The following NCLN variants were observed in gnomAD, a reference collection of about 807,000 sequenced individuals.
NCLN encodes the protein BOS complex subunit NCLN.
NCLN carries 34 observed loss-of-function variants against 69.5 expected under a neutral mutation model. The ratio of observed to expected loss-of-function variants is 0.49; its 90% CI spans 0.37 to 0.65. NCLN has a LOEUF of 0.65. NCLN is among the 30% of genes least tolerant of loss of function. The pLI is 0.00. For synonymous variants in NCLN, 393 were observed against 358.3 expected (o/e 1.10, Z -1.09); for missense variants, 710 against 804.8 (o/e 0.88, Z 1.42).
At position 3,207,865 on chromosome 19, in the gene NCLN, G is replaced by T. The variant is rs369091252; in HGVS notation, c.*177G>T. 5 of 596,818 alleles carry T rather than the reference G, an allele frequency of 8.4e-6. No homozygotes were observed. Among genetic ancestry groups the T allele is most frequent in the Admixed American group, 3.0e-5 (1 of 33,506 alleles). The allele number at this position is 596,818 out of a possible 1,614,324, so 37.0% of individuals were successfully genotyped here. On this transcript the variant is annotated 3_prime_UTR_variant, in exon 15 of 15. Coordinates refer to ENST00000246117, the MANE Select transcript of NCLN (RefSeq NM_020170.4). The stretch of plus-strand genomic sequence containing the variant: ...TTTTCTGTTGCTCTCCGAGACTGGG[G>T]GGGGATTGTTTCTTCTTTTCCTTGT...
chr19:3,202,058 C>T (rs1194974271), intron 6 of NCLN, among the ~76,000 whole-genome samples: 4 of 152,130 alleles, frequency 2.6e-5, no homozygotes, highest in East Asian at 3.9e-4. Flanking sequence ...AGGTGCCCTC[C>T]GACATCACCC....
intron 1 of NCLN, among the ~76,000 whole-genome samples, chr19:3,189,803 A>G (rs901518198): frequency 1.3e-5 from 2 of 151,992 alleles, no homozygotes; most frequent in Admixed American, 6.6e-5. Flanking sequence ...TTGGCCACAG[A>G]GAGCCCTTGC....
rs1041253531 is a variant in NCLN, at chr19:3,204,850, C to T, written c.1208+99C>T. On this transcript the variant is annotated intron_variant, in intron 9 of 14. Transcript: ENST00000246117. ...GGCCATGAGAGCCTGGAGGGAGCGG[C>T]CCCCACACACAGGCTGCGAGGAAGG... is the stretch of plus-strand genomic sequence containing the variant. The T allele has an allele frequency of 5.7e-6, 7 of 1,227,820 alleles. No individual in the cohort carries two copies. The Admixed American group carries it at 2.3e-4, about 40-fold the overall frequency. The allele number at this position is 1,227,820 out of a possible 1,614,324, so 76.1% of individuals were successfully genotyped here. A position where few individuals can be genotyped will look rare whatever the true frequency, so the allele number is the denominator to read the frequency against.
intron 1 of NCLN, among the ~76,000 whole-genome samples, chr19:3,191,785 C>G (rs985313347): frequency 6.6e-6 from 1 of 152,216 alleles, no homozygotes; most frequent in Non-Finnish European, 1.5e-5. Context: ...GAAATACTCA[C>G]TCTCTGGCCT....
At chr19:3,192,333 T>G (rs1915846906) in intron 1 of NCLN, 137 bp from the exon 2 acceptor site, 2 of 706,094 alleles carry the variant, frequency 2.8e-6, no homozygotes, top group Non-Finnish European at 4.4e-6. Context: ...CCCTGGGAGC[T>G]TCTCGAATCG....
intron 4 of NCLN, among the ~76,000 whole-genome samples, chr19:3,197,683 C>T (rs902404670): frequency 4.7e-5 from 7 of 148,604 alleles, no homozygotes; most frequent in South Asian, 4.2e-4. Context: ...TGCAATGGTG[C>T]GATCTCAGCT....
In NCLN at chr19:3,191,355, C is replaced by T. The variant is rs545994382; in HGVS notation, c.185-1115C>T. On this transcript the variant is annotated intron_variant, in intron 1 of 14. Transcript: ENST00000246117. ...GCGCCACCGCAGAAGTGAATAAGCC[C>T]GTGATGGAGCGACAGCCCCAGGCTC... 4.6e-5 allele frequency among the ~76,000 whole-genome samples: 7 copies of T among 152,286 alleles called. No individual in the cohort carries two copies. In the East Asian group the frequency reaches 5.8e-4, roughly 13 times the overall value.
At chr19:3,187,678 G>A (rs1324874170) in intron 1 of NCLN, among the ~76,000 whole-genome samples, 3 of 152,160 alleles carry the variant, frequency 2.0e-5, no homozygotes, top group Non-Finnish European at 2.9e-5. Context: ...TGGAGGCCAG[G>A]GACGCTGCTC....
chr19:3,199,899 AC>A (rs1568313308), intron 5 of NCLN, among the ~76,000 whole-genome samples: 1 of 151,496 alleles, frequency 6.6e-6, no homozygotes, highest in African/African-American at 2.4e-5. Context: ...ACGGGGTTTC[AC>A]CACGTTAGCC....
In NCLN at chr19:3,208,101, A is replaced by ACCTGCTC. The variant is rs1474074522; in HGVS notation, c.*422_*428dup. On this transcript the variant is annotated 3_prime_UTR_variant, in exon 15 of 15. Coordinates refer to ENST00000246117, the MANE Select transcript of NCLN (RefSeq NM_020170.4). The stretch of plus-strand genomic sequence containing the variant: ...GCAAGGGGCCTGGACTGCAGGCCTG[A>ACCTGCTC]CCTGCTCCCTGCTCCGTGTCTGTCC... 2.5e-4 allele frequency: 50 copies of ACCTGCTC among 200,266 alleles called. No individual in the cohort carries two copies. Among genetic ancestry groups the ACCTGCTC allele is most frequent in the African/African-American group, 1.2e-3 (50 of 42,890 alleles). 12.4% of individuals were successfully genotyped at this position (200,266 alleles called of 1,614,324 possible).
At chr19:3,190,746 T>C (rs1352448403) in intron 1 of NCLN, among the ~76,000 whole-genome samples, 5 of 147,520 alleles carry the variant, frequency 3.4e-5, no homozygotes, top group South Asian at 2.1e-4. Flanking sequence ...CCGGCCCCCC[T>C]GCGTCAGGCC....
rs376125254 is a variant in NCLN at position 3,202,830 on chromosome 19, C to T, written c.801-926C>T. Reference sequence around the variant, plus strand: ...TTTGAGAAGCTCATGCTGTCAAAAACGTGTGAACGGGGCTGGTTTCTGCCA... The same window carrying T: ...TTTGAGAAGCTCATGCTGTCAAAAATGTGTGAACGGGGCTGGTTTCTGCCA... On this transcript the variant is annotated intron_variant, in intron 6 of 14. Coordinates refer to ENST00000246117, the MANE Select transcript of NCLN (RefSeq NM_020170.4). Among the ~76,000 whole-genome samples, 5 of 152,126 alleles carry T rather than the reference C, an allele frequency of 3.3e-5. No homozygotes were observed. The South Asian group carries it at 1.0e-3, about 32-fold the overall frequency.
intron 2 of NCLN, 41 bp from the exon 3 acceptor site, chr19:3,193,243 C>T (rs371998728): frequency 6.4e-7 from 1 of 1,556,788 alleles, no homozygotes; most frequent in Non-Finnish European, 8.6e-7. Context: ...TTGCCACCCC[C>T]ACCAGGCCAG....
chr19:3,185,936 C>A lies in NCLN; in HGVS notation c.-95C>A. On this transcript the variant is annotated 5_prime_UTR_variant, in exon 1 of 15. Transcript: ENST00000246117. Reference sequence around the variant, plus strand: ...TGCCCCGCGCGGCGCCCGCAGGACCCCGGCGGCTACCCATGCCGAGGTGAG... The same window carrying A: ...TGCCCCGCGCGGCGCCCGCAGGACCACGGCGGCTACCCATGCCGAGGTGAG... 1.0e-6 allele frequency: 1 copy of A among 961,604 alleles called. No individual in the cohort carries two copies. The highest frequency in any genetic ancestry group is 1.3e-6 in the Non-Finnish European group (1 of 748,330). 59.6% of individuals were successfully genotyped at this position (961,604 alleles called of 1,614,324 possible).
At chr19:3,189,951 TC>T (rs1476944476) in intron 1 of NCLN, among the ~76,000 whole-genome samples, 2 of 152,200 alleles carry the variant, frequency 1.3e-5, no homozygotes, top group Admixed American at 1.3e-4. Flanking sequence ...GGTGCTGGTG[TC>T]CCCCTCCGTT....
intron 14 of NCLN, 49 bp downstream of exon 14, chr19:3,207,518 A>AGCTGG: frequency 6.2e-7 from 1 of 1,608,924 alleles, no homozygotes. Context: ...CGCCGGGAGG[A>AGCTGG]GCTGGGCTGG....
At chr19:3,195,031 A>G (rs1438617878) in intron 3 of NCLN, among the ~76,000 whole-genome samples, 1 of 151,780 alleles carries the variant, frequency 6.6e-6, no homozygotes, top group Non-Finnish European at 1.5e-5. Context: ...TAAAAAAGCC[A>G]GGTGTGGTGG....
chr19:3,186,624 C>G (rs1425096602), intron 1 of NCLN, among the ~76,000 whole-genome samples: 1 of 152,234 alleles, frequency 6.6e-6, no homozygotes, highest in Non-Finnish European at 1.5e-5. Context: ...TGAGCAGACG[C>G]TCCCGTCCTG....
rs869156808 is a variant in NCLN, at chr19:3,198,530, CA to C, written c.616-275del. 1.0e-4 allele frequency among the ~76,000 whole-genome samples: 15 copies of C among 143,418 alleles called. No homozygotes were observed. The East Asian group carries it at 1.8e-3, about 17-fold the overall frequency. The allele number at this position is 143,418 out of a possible 152,430, so 94.1% of individuals were successfully genotyped here. A position where few individuals can be genotyped will look rare whatever the true frequency, so the allele number is the denominator to read the frequency against. ...TCAAAAAAAAAAAAAAAAACACAAACAAAAAAAAAAAACTTATTCTCCTGCT... is the reference window on the plus strand; with the variant it reads ...TCAAAAAAAAAAAAAAAAACACAAACAAAAAAAAAAACTTATTCTCCTGCT... On this transcript the variant is annotated intron_variant, in intron 4 of 14. Coordinates refer to ENST00000246117, the MANE Select transcript of NCLN (RefSeq NM_020170.4).
Sources: allele counts gnomAD v4.1 joint callset (sites outside exome capture counted in the v4.1 genomes callset), GRCh38; gene constraint gnomAD v4.1.1; transcripts MANE v1.5; gene names NCBI Gene and HGNC (gene_info 2026-07-23, HGNC 2026-07-21).